The following CUX1 variants were observed in gnomAD, a reference collection of about 807,000 sequenced individuals.
CUX1 encodes the protein cut like homeobox 1, also known as protein CASP.
CUX1 carries 31 observed loss-of-function variants against 158.8 expected under a neutral mutation model. The ratio of observed to expected loss-of-function variants is 0.20; its 90% CI spans 0.15 to 0.26. The LOEUF (loss-of-function observed/expected upper bound fraction) is 0.26, where lower values mean the gene tolerates loss of function less well. Ranked by LOEUF, CUX1 falls within the 10% of genes least tolerant of loss-of-function variation. The pLI, the probability that CUX1 is intolerant of heterozygous loss-of-function variation, is 1.00. For missense variants in CUX1, 1,589 were observed against 2,014.6 expected (o/e 0.79, Z 4.04); for synonymous variants, 879 against 862.1 (o/e 1.02, Z -0.34).
At chr7:102,103,362 C>T (rs193115714) in intron 5 of CUX1, among the ~76,000 whole-genome samples, 13 of 152,288 alleles carry the variant, frequency 8.5e-5, no homozygotes, top group African/African-American at 2.6e-4. Flanking sequence ...GCCAGGCCTG[C>T]TTGCTTGCTT....
At chr7:101,936,584 G>A (rs1806969643) in intron 2 of CUX1, among the ~76,000 whole-genome samples, 1 of 152,146 alleles carries the variant, frequency 6.6e-6, no homozygotes, top group South Asian at 2.1e-4. Flanking sequence ...TAAGTGCAGG[G>A]GACAGAAGAG....
intron 14 of CUX1, among the ~76,000 whole-genome samples, chr7:102,267,786 C>A (rs1221840327): frequency 2.6e-5 from 4 of 152,166 alleles, no homozygotes; most frequent in Admixed American, 2.6e-4. Context: ...CCCGCCTTAG[C>A]CTCCTGAGTA....
chr7:102,007,350 GT>G (rs1212833983), intron 2 of CUX1, among the ~76,000 whole-genome samples: 1 of 152,004 alleles, frequency 6.6e-6, no homozygotes, highest in Non-Finnish European at 1.5e-5. Flanking sequence ...GCCCCTTATA[GT>G]TTTTAGTTGT....
Position 102,250,031 on chromosome 7 carries a change from G to C in CUX1, c.*989G>C, listed in dbSNP as rs572138438. The C allele has an allele frequency of 2.1e-5, 21 of 978,420 alleles. 1 individual carries two copies. The South Asian group carries it at 1.0e-3, about 46-fold the overall frequency. The allele number at this position is 978,420 out of a possible 1,614,324, so 60.6% of individuals were successfully genotyped here. A position where few individuals can be genotyped will look rare whatever the true frequency, so the allele number is the denominator to read the frequency against. On this transcript the variant is annotated 3_prime_UTR_variant, in exon 24 of 24. Coordinates refer to ENST00000292535, the MANE Select transcript of CUX1 (RefSeq NM_181552.4). ...GTTTGTTTAATACACTCCATTCTAG[G>C]CCAAATCAGGACAAAAAAAAGAAAA...
chr7:101,859,949 C>CT (rs1402265845), intron 1 of CUX1, among the ~76,000 whole-genome samples: 1 of 149,482 alleles, frequency 6.7e-6, no homozygotes, highest in Non-Finnish European at 1.5e-5. Context: ...TCCTTCCTTC[C>CT]TTTTCTTCCT....
intron 14 of CUX1, among the ~76,000 whole-genome samples, chr7:102,267,598 C>T (rs1182761418): frequency 6.6e-6 from 1 of 152,242 alleles, no homozygotes; most frequent in Admixed American, 6.5e-5. Flanking sequence ...GGTACAACAC[C>T]GCTGGCCTCG....
intron 2 of CUX1, among the ~76,000 whole-genome samples, chr7:101,989,078 A>C (rs530370673): frequency 6.6e-6 from 1 of 152,058 alleles, no homozygotes; most frequent in Non-Finnish European, 1.5e-5. Flanking sequence ...TCCTCATTCC[A>C]TCAGATTCTG....
chr7:102,272,191 G>A (rs567819471), intron 14 of CUX1, among the ~76,000 whole-genome samples: 2 of 152,308 alleles, frequency 1.3e-5, no homozygotes, highest in South Asian at 2.1e-4. Flanking sequence ...TCATCTATAA[G>A]GACTTGGTGT....
At chr7:102,041,232 G>A (rs1484312537) in intron 3 of CUX1, among the ~76,000 whole-genome samples, 2 of 148,686 alleles carry the variant, frequency 1.3e-5, no homozygotes, top group Non-Finnish European at 3.0e-5. Context: ...CACCTGCCAG[G>A]GAGATTGTCA....
intron 8 of CUX1, among the ~76,000 whole-genome samples, chr7:102,143,223 T>A (rs534295251): frequency 6.6e-6 from 1 of 152,298 alleles, no homozygotes; most frequent in East Asian, 1.9e-4. Flanking sequence ...CTTGGGGGGT[T>A]CCCTTCCAGA....
At chr7:102,224,663 G>A (rs1163705576) in intron 20 of CUX1, among the ~76,000 whole-genome samples, 2 of 152,138 alleles carry the variant, frequency 1.3e-5, no homozygotes, top group African/African-American at 4.8e-5. Context: ...AGTAGTGAGC[G>A]CCCCTGTTTA....
chr7:102,134,238 G>A (rs1833645444), intron 8 of CUX1, among the ~76,000 whole-genome samples: 1 of 152,172 alleles, frequency 6.6e-6, no homozygotes, highest in Admixed American at 6.5e-5. Flanking sequence ...TCTGGTGGCT[G>A]AGGCAGGAGA....
intron 2 of CUX1, among the ~76,000 whole-genome samples, chr7:102,010,526 T>G (rs1264491095): frequency 3.3e-5 from 5 of 152,090 alleles, no homozygotes; most frequent in Non-Finnish European, 7.4e-5. Flanking sequence ...CTCTTTCATA[T>G]CAGGCAACAT....
chr7:101,961,050 A>G (rs1810419797), intron 2 of CUX1: 1 of 152,248 alleles, frequency 6.6e-6, no homozygotes, highest in Non-Finnish European at 1.5e-5. Context: ...ATGAGATTCC[A>G]AAAAGGACTA....
intron 18 of CUX1, among the ~76,000 whole-genome samples, chr7:102,279,669 GCTCTGGGTGGCCAGCTGGGGGGCGT>G (rs1791904947): frequency 6.6e-6 from 1 of 152,166 alleles, no homozygotes; most frequent in African/African-American, 2.4e-5. Context: ...AACCAGCCTG[GCTCTGGGTGGCCAGCTGGGGGGCGT>G]CTCCTCTCCC....
intron 3 of CUX1, among the ~76,000 whole-genome samples, chr7:102,041,911 G>A (rs1205227872): frequency 1.3e-5 from 2 of 151,962 alleles, no homozygotes; most frequent in Admixed American, 6.6e-5. Flanking sequence ...CAGGTGATCC[G>A]CCTAGTGGTT....
At chr7:101,998,778 TTGGG>T (rs1370181885) in intron 2 of CUX1, among the ~76,000 whole-genome samples, 22 of 152,200 alleles carry the variant, frequency 1.4e-4, no homozygotes, top group Non-Finnish European at 2.9e-4. Flanking sequence ...CTGTGCTGTG[TTGGG>T]CAGGAAGCCA....
At chr7:102,210,108 G>GT (rs1447459662) in intron 20 of CUX1, among the ~76,000 whole-genome samples, 2 of 151,712 alleles carry the variant, frequency 1.3e-5, no homozygotes, top group Non-Finnish European at 2.9e-5. Flanking sequence ...TTTTGTTTTT[G>GT]TTTTTTGAGA....
chr7:102,068,115 A>G (rs754656319), intron 3 of CUX1, among the ~76,000 whole-genome samples: 1 of 151,314 alleles, frequency 6.6e-6, no homozygotes, highest in Non-Finnish European at 1.5e-5. Context: ...AATTTGAGAC[A>G]TGGTCTCGCT....
Sources: gnomAD v4.1 joint callset for allele counts (sites outside exome capture counted in the v4.1 genomes callset) on GRCh38, gnomAD v4.1.1 for gene constraint, MANE v1.5 for transcripts, NCBI Gene and HGNC (gene_info 2026-07-23, HGNC 2026-07-21) for gene names.